The following OPCML variants were observed in gnomAD, a reference collection of about 807,000 sequenced individuals.
The protein encoded by OPCML is opioid binding protein/cell adhesion molecule like.
Under a neutral mutation model 37.8 loss-of-function variants are expected in OPCML, and 13 were observed. That is an observed-to-expected ratio of 0.34 (90% CI 0.22 to 0.55). The LOEUF is 0.55. Among genes scored for constraint, OPCML ranks in the 20% least tolerant of loss-of-function variants. OPCML has a pLI of 0.91. For synonymous variants in OPCML, 176 were observed against 168.8 expected (o/e 1.04, Z -0.33); for missense variants, 341 against 435.6 (o/e 0.78, Z 1.93).
At chr11:132,902,922 G>C (rs181672364) in intron 2 of OPCML, among the ~76,000 whole-genome samples, 1 of 151,870 alleles carries the variant, frequency 6.6e-6, no homozygotes. Context: ...TGCATAATAA[G>C]ACAACCTTTG....
At chr11:132,822,541 C>T (rs890260929) in intron 2 of OPCML, among the ~76,000 whole-genome samples, 1 of 151,950 alleles carries the variant, frequency 6.6e-6, no homozygotes, top group South Asian at 2.1e-4. Context: ...CACACTCATG[C>T]ACTGTCACAT....
At chr11:133,511,873 C>T (rs1948167637) in intron 1 of OPCML, among the ~76,000 whole-genome samples, 1 of 152,160 alleles carries the variant, frequency 6.6e-6, no homozygotes, top group East Asian at 1.9e-4. Context: ...AGTCCTAGAA[C>T]AGTGCTTGAC....
At chr11:133,290,890 A>G (rs1338230223) in intron 1 of OPCML, among the ~76,000 whole-genome samples, 2 of 152,336 alleles carry the variant, frequency 1.3e-5, no homozygotes, top group Admixed American at 1.3e-4. Context: ...AAGTAGCCGC[A>G]GCTTACATTG....
intron 4 of OPCML, among the ~76,000 whole-genome samples, chr11:132,449,080 C>T (rs1413732379): frequency 6.6e-6 from 1 of 152,168 alleles, no homozygotes; most frequent in Non-Finnish European, 1.5e-5. Context: ...GCATAAGGTC[C>T]CTGCAGAGCT....
intron 1 of OPCML, among the ~76,000 whole-genome samples, chr11:132,989,948 G>A (rs1249141860): frequency 6.6e-6 from 1 of 152,002 alleles, no homozygotes; most frequent in East Asian, 1.9e-4. Flanking sequence ...GTGTACCAAG[G>A]TCATATCAAG....
chr11:133,382,130 G>A (rs972245043), intron 1 of OPCML, among the ~76,000 whole-genome samples: 8 of 152,340 alleles, frequency 5.3e-5, no homozygotes, highest in African/African-American at 1.9e-4. Flanking sequence ...GGAAGGTGGT[G>A]TTATTGCTTT....
At chr11:132,727,238 G>C (rs1013507932) in intron 2 of OPCML, among the ~76,000 whole-genome samples, 7 of 152,124 alleles carry the variant, frequency 4.6e-5, no homozygotes, top group Non-Finnish European at 8.8e-5. Context: ...CACGTGGTTA[G>C]GTAAGTGGAT....
chr11:132,970,395 A>C (rs1181281769), intron 1 of OPCML, among the ~76,000 whole-genome samples: 1 of 152,112 alleles, frequency 6.6e-6, no homozygotes, highest in Non-Finnish European at 1.5e-5. Context: ...ATATTAGGAC[A>C]AAAAAACCCC....
In OPCML at chr11:132,879,704, C is replaced by T. The variant is rs78960212; in HGVS notation, c.146+63222G>A. 4.0e-4 allele frequency among the ~76,000 whole-genome samples: 61 copies of T among 152,282 alleles called. No homozygotes were observed. The East Asian group carries it at 0.011, about 27-fold the overall frequency. ...AAGAAACTCCCAGGCAACAGCTATC[C>T]TCAGCAAGCGCATAATGAATTATCT... On this transcript the variant is annotated intron_variant, in intron 2 of 7. Transcript: ENST00000524381.
intron 7 of OPCML, among the ~76,000 whole-genome samples, chr11:132,434,389 C>T (rs1203065224): frequency 6.6e-6 from 1 of 152,186 alleles, no homozygotes; most frequent in Non-Finnish European, 1.5e-5. Flanking sequence ...TGAGCAGCAG[C>T]TACTGCTTCT....
At chr11:133,396,108 T>C (rs977943982) in intron 1 of OPCML, among the ~76,000 whole-genome samples, 1 of 152,192 alleles carries the variant, frequency 6.6e-6, no homozygotes, top group Non-Finnish European at 1.5e-5. Context: ...CTTCTTTGGT[T>C]AATTCCTAGG....
chr11:133,192,740 A>C (rs1012852761), intron 1 of OPCML, among the ~76,000 whole-genome samples: 3 of 152,186 alleles, frequency 2.0e-5, no homozygotes, highest in African/African-American at 7.2e-5. Flanking sequence ...GACTGTTGTG[A>C]ATATCAATTT....
intron 3 of OPCML, among the ~76,000 whole-genome samples, chr11:132,545,209 G>A (rs190999461): frequency 6.6e-6 from 1 of 152,112 alleles, no homozygotes; most frequent in Admixed American, 6.6e-5. Context: ...TAGTGGTAAT[G>A]TCACTACACT....
intron 1 of OPCML, among the ~76,000 whole-genome samples, chr11:133,345,600 T>C (rs533301355): frequency 6.2e-4 from 94 of 152,346 alleles, no homozygotes; most frequent in Admixed American, 1.3e-3. Flanking sequence ...ACGTATTGCT[T>C]GTGCCATTTT....
intron 1 of OPCML, among the ~76,000 whole-genome samples, chr11:133,140,787 CGAAGAAGAA>C (rs1384202815): frequency 2.5e-5 from 3 of 118,858 alleles, no homozygotes; most frequent in African/African-American, 7.6e-5. Flanking sequence ...AAGAAGACGA[CGAAGAAGAA>C]GAAGAAGAAG....
intron 1 of OPCML, among the ~76,000 whole-genome samples, chr11:133,339,427 C>T (rs1204403732): frequency 6.6e-6 from 1 of 152,208 alleles, no homozygotes; most frequent in Admixed American, 6.5e-5. Context: ...AGCCACTCAC[C>T]TCTCCACGTG....
At chr11:133,217,747 T>C (rs1157580531) in intron 1 of OPCML, among the ~76,000 whole-genome samples, 2 of 152,124 alleles carry the variant, frequency 1.3e-5, no homozygotes, top group African/African-American at 4.8e-5. Context: ...CAATACCAGG[T>C]TCCTGCCAAA....
intron 4 of OPCML, among the ~76,000 whole-genome samples, chr11:132,479,793 A>C (rs970947024): frequency 6.6e-6 from 1 of 152,182 alleles, no homozygotes; most frequent in Admixed American, 6.5e-5. Context: ...CGGGTACTCC[A>C]ACAGACCTGC....
At chr11:132,646,790 A>G (rs942699246) in intron 3 of OPCML, among the ~76,000 whole-genome samples, 1 of 152,234 alleles carries the variant, frequency 6.6e-6, no homozygotes, top group Non-Finnish European at 1.5e-5. Flanking sequence ...AGAGTGGAAC[A>G]TGTTAAGATT....
Sources: allele counts gnomAD v4.1 joint callset (sites outside exome capture counted in the v4.1 genomes callset), GRCh38; gene constraint gnomAD v4.1.1; transcripts MANE v1.5; gene names NCBI Gene and HGNC (gene_info 2026-07-23, HGNC 2026-07-21).